CDH18: variants seen among roughly 807,000 people sequenced by gnomAD.
The protein encoded by CDH18 is cadherin-18.
Under a neutral mutation model 67.9 loss-of-function variants are expected in CDH18, and 31 were observed. The observed-to-expected ratio is 0.46, with a 90% CI of 0.34 to 0.62. The LOEUF is 0.62. Ranked by LOEUF, CDH18 falls within the 20% of genes least tolerant of loss-of-function variation. The pLI, the probability that CDH18 is intolerant of heterozygous loss-of-function variation, is 0.01. For synonymous variants in CDH18, 362 were observed against 347.2 expected, an observed-to-expected ratio of 1.04 and a Z score of -0.48; for missense variants, 890 against 975.5, an observed-to-expected ratio of 0.91 and a Z score of 1.17.
intron 1 of CDH18, among the ~76,000 whole-genome samples, chr5:20,568,721 C>T (rs1473402409): frequency 1.3e-5 from 2 of 152,060 alleles, no homozygotes; most frequent in Non-Finnish European, 2.9e-5. Context: ...TCTATTCCTC[C>T]GAGGACTACT....
chr5:19,866,597 GA>G (rs149781932), intron 2 of CDH18, among the ~76,000 whole-genome samples: 1,948 of 152,258 alleles, frequency 0.013, 38 homozygotes, highest in African/African-American at 0.045. Context: ...GAAAGGTGCA[GA>G]AAAAGAAATC....
rs1421486830 is a variant in CDH18, at chr5:19,785,713, T to A, written c.229-38477A>T. On this transcript the variant is annotated intron_variant, in intron 3 of 12. Coordinates refer to ENST00000382275, the MANE Select transcript of CDH18 (RefSeq NM_004934.5). ...ATATATATATATATATATATATATA[T>A]ATATATATATATGCATGCATCTGTA... Among the ~76,000 whole-genome samples, 61 of 98,186 alleles carry A rather than the reference T, an allele frequency of 6.2e-4. 2 individuals are homozygous for A. Among genetic ancestry groups the A allele is most frequent in the African/African-American group, 1.9e-3 (46 of 24,540 alleles). The allele number at this position is 98,186 out of a possible 152,430, so 64.4% of individuals were successfully genotyped here. A position where few individuals can be genotyped will look rare whatever the true frequency, so the allele number is the denominator to read the frequency against.
intron 2 of CDH18, among the ~76,000 whole-genome samples, chr5:19,884,932 T>C (rs1788040574): frequency 6.6e-6 from 1 of 152,146 alleles, no homozygotes; most frequent in Non-Finnish European, 1.5e-5. Flanking sequence ...TTATAATTAA[T>C]GGATTATAAT....
At chr5:19,690,083 G>GTATA (rs71597981) in intron 5 of CDH18, among the ~76,000 whole-genome samples, 1 of 149,234 alleles carries the variant, frequency 6.7e-6, no homozygotes, top group African/African-American at 2.5e-5. Context: ...ATGTGTGTGT[G>GTATA]TATATATATA....
In CDH18 at chr5:20,530,351, T is replaced by C. The variant is rs183462696; in HGVS notation, c.-580+45111A>G. Among the ~76,000 whole-genome samples, 19 of 152,030 alleles carry C rather than the reference T, an allele frequency of 1.2e-4. 1 individual carries two copies. The highest frequency in any genetic ancestry group is 4.1e-4 in the African/African-American group (17 of 41,424). On this transcript the variant is annotated intron_variant, in intron 1 of 14. Transcript: ENST00000507958. The stretch of plus-strand genomic sequence containing the variant: ...CAATGCTATTCCCATTAAATTGTCA[T>C]TGATACTCTTCACACAATTAGAAAA...
intron 3 of CDH18, among the ~76,000 whole-genome samples, chr5:19,747,606 T>C (rs1398061199): frequency 6.6e-6 from 1 of 152,086 alleles, no homozygotes; most frequent in African/African-American, 2.4e-5. Flanking sequence ...GAAAATAATA[T>C]ATTTGGTTTT....
chr5:20,315,160 C>T (rs529462406), intron 1 of CDH18, among the ~76,000 whole-genome samples: 66 of 152,188 alleles, frequency 4.3e-4, no homozygotes, highest in African/African-American at 1.6e-3. Flanking sequence ...CTGTTAAAGA[C>T]ACTACCATCT....
chr5:20,277,482 T>C (rs1318934517), intron 1 of CDH18, among the ~76,000 whole-genome samples: 1 of 152,106 alleles, frequency 6.6e-6, no homozygotes, highest in African/African-American at 2.4e-5. Flanking sequence ...TTGGCTGAAG[T>C]GACCAGAAAC....
chr5:20,129,304 T>G (rs1749076283), intron 2 of CDH18, among the ~76,000 whole-genome samples: 1 of 152,086 alleles, frequency 6.6e-6, no homozygotes, highest in African/African-American at 2.4e-5. Flanking sequence ...TCCAGTTTGT[T>G]TCTGATATCT....
intron 1 of CDH18, among the ~76,000 whole-genome samples, chr5:20,404,791 T>A (rs1746084554): frequency 1.3e-5 from 2 of 152,144 alleles, no homozygotes; most frequent in Non-Finnish European, 1.5e-5. Flanking sequence ...GTGAGTTGAC[T>A]TACTCCATGC....
At chr5:20,485,945 G>A (rs1229745945) in intron 1 of CDH18, among the ~76,000 whole-genome samples, 3 of 152,180 alleles carry the variant, frequency 2.0e-5, no homozygotes, top group African/African-American at 7.2e-5. Flanking sequence ...CAAAAGAAGT[G>A]ATGGAATAGG....
chr5:20,551,005 A>G (rs532491158), intron 1 of CDH18, among the ~76,000 whole-genome samples: 3 of 152,308 alleles, frequency 2.0e-5, no homozygotes, highest in Admixed American at 2.0e-4. Context: ...GAATGAGAAT[A>G]ACAGAATGAG....
chr5:20,371,992 C>T (rs1743040824), intron 1 of CDH18, among the ~76,000 whole-genome samples: 1 of 152,218 alleles, frequency 6.6e-6, no homozygotes. Flanking sequence ...ATGCTCTTTC[C>T]ATGCCTTATC....
intron 2 of CDH18, among the ~76,000 whole-genome samples, chr5:20,237,651 CTAAT>C (rs1245515613): frequency 6.6e-6 from 1 of 151,896 alleles, no homozygotes; most frequent in East Asian, 1.9e-4. Flanking sequence ...AGTGATGAGA[CTAAT>C]TAAATAACAC....
intron 2 of CDH18, among the ~76,000 whole-genome samples, chr5:20,110,322 A>T (rs1430773114): frequency 6.6e-6 from 1 of 152,358 alleles, no homozygotes; most frequent in East Asian, 1.9e-4. Context: ...CAGTAGAAAC[A>T]TATGTTTTTG....
chr5:19,969,666 G>A (rs1293744495), intron 2 of CDH18, among the ~76,000 whole-genome samples: 2 of 149,094 alleles, frequency 1.3e-5, no homozygotes, highest in African/African-American at 2.5e-5. Flanking sequence ...GACACAGGAA[G>A]GGGAACATCA....
intron 7 of CDH18, among the ~76,000 whole-genome samples, chr5:19,580,983 C>T (rs62349550): frequency 0.065 from 9,826 of 151,928 alleles, 344 homozygotes; most frequent in Non-Finnish European, 0.074. Flanking sequence ...TGAGCTGATA[C>T]ATTCACTAAG....
chr5:20,573,372 G>T (rs1009573721), intron 1 of CDH18, among the ~76,000 whole-genome samples: 4 of 151,152 alleles, frequency 2.6e-5, no homozygotes, highest in Admixed American at 2.0e-4. Context: ...TTGCATATAA[G>T]CCAATATAGC....
chr5:19,920,110 C>A (rs542133337), intron 2 of CDH18, among the ~76,000 whole-genome samples: 1 of 152,198 alleles, frequency 6.6e-6, no homozygotes, highest in Non-Finnish European at 1.5e-5. Flanking sequence ...GTTTTTGAAT[C>A]CCATAATATT....
Sources: gnomAD v4.1 joint callset for allele counts (sites outside exome capture counted in the v4.1 genomes callset) on GRCh38, gnomAD v4.1.1 for gene constraint, MANE v1.5 for transcripts, NCBI Gene and HGNC (gene_info 2026-07-23, HGNC 2026-07-21) for gene names.